The following MORC1 variants were observed in gnomAD, a reference collection of about 807,000 sequenced individuals.
The protein encoded by MORC1 is MORC family CW-type zinc finger 1.
MORC1 carries 59 observed loss-of-function variants against 134.9 expected under a neutral mutation model. The observed-to-expected ratio is 0.44, with a 90% CI of 0.35 to 0.54. The LOEUF is 0.54. Ranked by LOEUF, MORC1 falls within the 20% of genes least tolerant of loss-of-function variation. MORC1 has a pLI of 0.00. For missense variants in MORC1, 947 were observed against 1,134.5 expected, an observed-to-expected ratio of 0.83 and a Z score of 2.37; for synonymous variants, 395 against 391.7, an observed-to-expected ratio of 1.01 and a Z score of -0.10.
chr3:109,012,805 T>C (rs1016109150), intron 17 of MORC1, among the ~76,000 whole-genome samples: 2 of 152,240 alleles, frequency 1.3e-5, no homozygotes. Flanking sequence ...TAACTTTCTG[T>C]AAATATTATC....
chr3:109,052,799 C>T (rs567144323), intron 14 of MORC1, among the ~76,000 whole-genome samples: 10 of 152,176 alleles, frequency 6.6e-5, no homozygotes, highest in African/African-American at 2.4e-4. Flanking sequence ...AGCCCTATGT[C>T]TGCCTAATTT....
intron 6 of MORC1, 145 bp from the exon 7 acceptor site, chr3:109,095,213 A>G (rs954819185): frequency 1.4e-6 from 1 of 714,700 alleles, no homozygotes; most frequent in Admixed American, 3.5e-5. Context: ...ATCTAGTTGT[A>G]TAAGAGACAC....
At chr3:109,094,723 G>C (rs1382637306) in intron 7 of MORC1, among the ~76,000 whole-genome samples, 186 bp downstream of exon 7, 1 of 151,960 alleles carries the variant, frequency 6.6e-6, no homozygotes, top group Non-Finnish European at 1.5e-5. Flanking sequence ...CAGTGTCAGG[G>C]ATTTACAGTA....
At chr3:108,977,971 G>A (rs1227468858) in intron 24 of MORC1, among the ~76,000 whole-genome samples, 5 of 152,018 alleles carry the variant, frequency 3.3e-5, no homozygotes, top group Admixed American at 1.3e-4. Flanking sequence ...TCCGCCTCCC[G>A]GGTTCACGCC....
chr3:109,023,790 C>A (rs1338997507), intron 17 of MORC1, among the ~76,000 whole-genome samples: 1 of 152,104 alleles, frequency 6.6e-6, no homozygotes, highest in Non-Finnish European at 1.5e-5. Context: ...TAACAATTAT[C>A]CAGCTAATAT....
intron 8 of MORC1, among the ~76,000 whole-genome samples, chr3:109,079,435 A>G (rs1006827503): frequency 6.6e-6 from 1 of 152,148 alleles, no homozygotes; most frequent in Admixed American, 6.5e-5. Flanking sequence ...GCAGAAAAGA[A>G]TAAGAATCAC....
At chr3:109,034,484 A>G (rs1949324565) in intron 15 of MORC1, among the ~76,000 whole-genome samples, 1 of 152,154 alleles carries the variant, frequency 6.6e-6, no homozygotes, top group African/African-American at 2.4e-5. Flanking sequence ...CTGCTTGCTT[A>G]TCAAAGTAAA....
At position 109,000,713 on chromosome 3, in the gene MORC1, A is replaced by G. The variant is rs149559351; in HGVS notation, c.2086-55T>C. The G allele has an allele frequency of 4.2e-3, 5,295 of 1,264,038 alleles. 16 individuals are homozygous for G. Among genetic ancestry groups the G allele is most frequent in the Non-Finnish European group, 5.0e-3 (4,458 of 883,250 alleles). 78.3% of individuals were successfully genotyped at this position (1,264,038 alleles called of 1,614,324 possible). A position where few individuals can be genotyped will look rare whatever the true frequency, so the allele number is the denominator to read the frequency against. On this transcript the variant is annotated intron_variant, in intron 20 of 27. Transcript: ENST00000232603. ...AAGGATTAGTGGCAATCAATGGTACATACTAAACTACCTTCACTCTTCATT... is the reference window on the plus strand; with the variant it reads ...AAGGATTAGTGGCAATCAATGGTACGTACTAAACTACCTTCACTCTTCATT...
At chr3:109,042,054 G>A (rs1949566650) in intron 14 of MORC1, among the ~76,000 whole-genome samples, 1 of 152,048 alleles carries the variant, frequency 6.6e-6, no homozygotes, top group Non-Finnish European at 1.5e-5. Flanking sequence ...AAGAAAGGGA[G>A]AGACTATTCA....
intron 8 of MORC1, among the ~76,000 whole-genome samples, chr3:109,075,928 G>A (rs1444741642): frequency 1.3e-5 from 2 of 152,072 alleles, no homozygotes; most frequent in Non-Finnish European, 2.9e-5. Flanking sequence ...TCCTATCCAT[G>A]AGCATGGAAT....
intron 21 of MORC1, 97 bp downstream of exon 21, chr3:109,000,460 A>C (rs1039368755): frequency 1.1e-6 from 1 of 932,636 alleles, no homozygotes; most frequent in Admixed American, 2.8e-5. Context: ...AGGTTTTCCA[A>C]CTAAATGTTT....
At chr3:109,106,561 T>A (rs1052149057) in intron 3 of MORC1, among the ~76,000 whole-genome samples, 10 of 152,146 alleles carry the variant, frequency 6.6e-5, no homozygotes, top group Non-Finnish European at 1.0e-4. Context: ...CACGTTAGAC[T>A]TTCTCCTCCT....
At chr3:109,038,799 A>C (rs540299690) in intron 14 of MORC1, among the ~76,000 whole-genome samples, 1 of 152,150 alleles carries the variant, frequency 6.6e-6, no homozygotes, top group East Asian at 1.9e-4. Context: ...TGGTCTATAT[A>C]TCTGTTTTGG....
Position 108,958,397 on chromosome 3 carries a change from A to AT in MORC1, c.*567dup, listed in dbSNP as rs1946991660. 1 of 152,022 alleles carries AT rather than the reference A, an allele frequency of 6.6e-6. No individual in the cohort carries two copies. Among genetic ancestry groups the AT allele is most frequent in the South Asian group, 2.1e-4 (1 of 4,836 alleles). The allele number at this position is 152,022 out of a possible 1,614,324, so 9.4% of individuals were successfully genotyped here. ...TTTTACATATGTGTAATATGTATAC[A>AT]TATTATGCTTAGGAGATTTATTCTT... On this transcript the variant is annotated 3_prime_UTR_variant, in exon 28 of 28. Transcript: ENST00000232603.
At chr3:108,984,067 C>A (rs900267722) in intron 23 of MORC1, among the ~76,000 whole-genome samples, 1 of 152,048 alleles carries the variant, frequency 6.6e-6, no homozygotes, top group Non-Finnish European at 1.5e-5. Flanking sequence ...TGACTCACTA[C>A]CCTGTCAGCA....
chr3:109,064,007 A>C (rs900121603), intron 9 of MORC1, among the ~76,000 whole-genome samples: 5 of 152,174 alleles, frequency 3.3e-5, no homozygotes, highest in Admixed American at 2.0e-4. Context: ...CTAAATGTAC[A>C]TCAATAAGAA....
intron 4 of MORC1, among the ~76,000 whole-genome samples, chr3:109,103,236 G>C (rs563073193): frequency 9.9e-4 from 151 of 152,276 alleles, no homozygotes; most frequent in African/African-American, 3.5e-3. Context: ...AATGCCCTCA[G>C]ATGGAATCAC....
intron 17 of MORC1, among the ~76,000 whole-genome samples, chr3:109,021,059 AG>A (rs1948946249): frequency 6.6e-6 from 1 of 152,304 alleles, no homozygotes; most frequent in African/African-American, 2.4e-5. Context: ...TGGTGCCCAG[AG>A]GGTACAGGCG....
intron 21 of MORC1, among the ~76,000 whole-genome samples, chr3:108,990,861 A>G (rs1437011041): frequency 2.0e-5 from 3 of 151,408 alleles, no homozygotes. Flanking sequence ...AGGTATATGA[A>G]CGACAAAGGA....
Sources: allele counts gnomAD v4.1 joint callset (sites outside exome capture counted in the v4.1 genomes callset), GRCh38; gene constraint gnomAD v4.1.1; transcripts MANE v1.5; gene names NCBI Gene and HGNC (gene_info 2026-07-23, HGNC 2026-07-21).